Variants in KIF2A observed in about 807,000 individuals in gnomAD.
The protein encoded by KIF2A is kinesin family member 2A.
KIF2A carries 22 observed loss-of-function variants against 100.2 expected under a neutral mutation model. The observed-to-expected ratio is 0.22, with a 90% confidence interval of 0.16 to 0.31. The LOEUF (loss-of-function observed/expected upper bound fraction) is 0.31, where lower values mean the gene tolerates loss of function less well. Among genes scored for constraint, KIF2A ranks in the 10% least tolerant of loss-of-function variants. The pLI is 1.00. For missense variants in KIF2A, 495 were observed against 898.7 expected, an observed-to-expected ratio of 0.55 and a Z score of 5.74; for synonymous variants, 268 against 285.9, an observed-to-expected ratio of 0.94 and a Z score of 0.63.
At chr5:62,361,882 C>T (rs1748430992) in intron 11 of KIF2A, among the ~76,000 whole-genome samples, 2 of 151,478 alleles carry the variant, frequency 1.3e-5, no homozygotes, top group Admixed American at 1.3e-4. Context: ...AAAAACTTAG[C>T]CAGGCGTGGT....
At chr5:62,341,879 T>C (rs2111888645) in intron 1 of KIF2A, among the ~76,000 whole-genome samples, 1 of 152,368 alleles carries the variant, frequency 6.6e-6, no homozygotes, top group African/African-American at 2.4e-5. Flanking sequence ...ATTCTACTGG[T>C]AATTGCATGG....
chr5:62,389,148 C>T lies in KIF2A; in HGVS notation c.*3579C>T. ...TACCATTAATACTAAAACATGAATA[C>T]AGCATGCTTACAGAGCCCACCCACT... On this transcript the variant is annotated 3_prime_UTR_variant, in exon 21 of 21. Coordinates refer to ENST00000407818, the MANE Select transcript of KIF2A (RefSeq NM_001098511.3). 2 of 1,101,644 alleles carry T rather than the reference C, an allele frequency of 1.8e-6. No individual in the cohort carries two copies. The highest frequency in any genetic ancestry group is 2.6e-6 in the Non-Finnish European group (2 of 756,452). 68.2% of individuals were successfully genotyped at this position (1,101,644 alleles called of 1,614,324 possible).
chr5:62,364,037 G>A, intron 14 of KIF2A, 138 bp downstream of exon 14: 1 of 679,268 alleles, frequency 1.5e-6, no homozygotes, highest in East Asian at 2.7e-5. Context: ...TGTATAGTGT[G>A]ATTTTATTAT....
chr5:62,306,416 C>CCT lies in KIF2A; in HGVS notation c.-57_-56insCT. 1.5e-6 allele frequency: 2 copies of CCT among 1,366,880 alleles called. No homozygotes were observed. The highest frequency in any genetic ancestry group is 2.1e-5 in the Admixed American group (1 of 48,736). 84.7% of individuals were successfully genotyped at this position (1,366,880 alleles called of 1,614,324 possible). A position where few individuals can be genotyped will look rare whatever the true frequency, so the allele number is the denominator to read the frequency against. On this transcript the variant is annotated 5_prime_UTR_variant, in exon 1 of 21. Coordinates refer to ENST00000407818, the MANE Select transcript of KIF2A (RefSeq NM_001098511.3). ...CACACCTACCCCGCCCCCTCCCCGCCTTTTCCGCCCTCCGGTCCCCCTCCC... is the reference window on the plus strand; with the variant it reads ...CACACCTACCCCGCCCCCTCCCCGCCCTTTTTCCGCCCTCCGGTCCCCCTCCC...
intron 9 of KIF2A, among the ~76,000 whole-genome samples, 190 bp from the exon 10 acceptor site, chr5:62,361,052 T>A (rs1435425300): frequency 6.6e-6 from 1 of 152,212 alleles, no homozygotes; most frequent in Non-Finnish European, 1.5e-5. Context: ...GTTTAAGTAA[T>A]TTTAGCATAT....
intron 9 of KIF2A, among the ~76,000 whole-genome samples, chr5:62,360,676 G>C (rs1748363052): frequency 6.6e-6 from 1 of 151,268 alleles, no homozygotes; most frequent in Middle Eastern, 3.4e-3. Flanking sequence ...ACGAGAACGA[G>C]ACTTCGTCTC....
Position 62,352,707 on chromosome 5 carries a change from C to T in KIF2A, c.454C>T (p.Pro152Ser). Reference sequence around the variant, plus strand: ...AGCTGCAAAAAAGGAATTTGGACCCCCTTGTATGTAAATTATGTATCAAGG... The same window carrying T: ...AGCTGCAAAAAAGGAATTTGGACCCTCTTGTATGTAAATTATGTATCAAGG... The part of the protein sequence containing the change: ...VQAAKKEFGP[P>S]SRRKSNCVKE... The change falls in exon 5 of 21, where the codon CCT (proline) becomes TCT (serine). Residue 152 changes from proline to serine, a missense_variant. Pro to Ser is a moderately conservative substitution (Grantham distance 74, BLOSUM62 -1). Coordinates refer to ENST00000407818, the MANE Select transcript of KIF2A (RefSeq NM_001098511.3). 6.2e-7 allele frequency: 1 copy of T among 1,609,684 alleles called. No homozygotes were observed. The highest frequency in any genetic ancestry group is 1.1e-5 in the South Asian group (1 of 90,538).
At chr5:62,380,878 T>C (rs1206196302) in intron 19 of KIF2A, among the ~76,000 whole-genome samples, 1 of 152,130 alleles carries the variant, frequency 6.6e-6, no homozygotes, top group Non-Finnish European at 1.5e-5. Context: ...GAGGCAGGCA[T>C]ACTCAGCGTA....
chr5:62,382,781 G>A (rs1369105370), intron 20 of KIF2A, among the ~76,000 whole-genome samples: 1 of 151,508 alleles, frequency 6.6e-6, no homozygotes, highest in Admixed American at 6.6e-5. Context: ...TTACAGGCAC[G>A]CGCCACAATG....
chr5:62,308,607 G>T (rs751735660), intron 1 of KIF2A: 1 of 699,716 alleles, frequency 1.4e-6, no homozygotes, highest in Non-Finnish European at 2.6e-6. Flanking sequence ...TAAAAAAGGA[G>T]ATCCTACTGT....
At chr5:62,318,794 T>C (rs747722356) in intron 1 of KIF2A, among the ~76,000 whole-genome samples, 5 of 152,212 alleles carry the variant, frequency 3.3e-5, no homozygotes, top group South Asian at 2.1e-4. Flanking sequence ...TTAGCCCACA[T>C]TGGCTACAGA....
chr5:62,317,170 T>C (rs1280796903), intron 1 of KIF2A, among the ~76,000 whole-genome samples: 2 of 152,060 alleles, frequency 1.3e-5, no homozygotes, highest in African/African-American at 4.8e-5. Flanking sequence ...TGCCTCAGCC[T>C]CCCAAGTAGC....
At position 62,389,172 on chromosome 5, in the gene KIF2A, C is replaced by G. The variant is rs1742175595; in HGVS notation, c.*3603C>G. On this transcript the variant is annotated 3_prime_UTR_variant, in exon 21 of 21. Transcript: ENST00000407818. ...ACAGCATGCTTACAGAGCCCACCCA[C>G]TCCTAATACTAGTTATTAAAGAAAC... 1.3e-6 allele frequency: 1 copy of G among 784,712 alleles called. No homozygotes were observed. Among genetic ancestry groups the G allele is most frequent in the Non-Finnish European group, 2.0e-6 (1 of 497,352 alleles). 48.6% of individuals were successfully genotyped at this position (784,712 alleles called of 1,614,324 possible). A position where few individuals can be genotyped will look rare whatever the true frequency, so the allele number is the denominator to read the frequency against.
intron 1 of KIF2A, among the ~76,000 whole-genome samples, chr5:62,309,957 G>A (rs1483758149): frequency 2.0e-5 from 3 of 151,756 alleles, no homozygotes; most frequent in Admixed American, 6.6e-5. Context: ...TTAATGTTTG[G>A]GTCTGTAACT....
At chr5:62,345,699 G>T (rs1747531229) in intron 1 of KIF2A, among the ~76,000 whole-genome samples, 2 of 152,014 alleles carry the variant, frequency 1.3e-5, no homozygotes, top group Non-Finnish European at 2.9e-5. Context: ...AATTATTATA[G>T]TGCCCATGTT....
intron 16 of KIF2A, among the ~76,000 whole-genome samples, chr5:62,368,269 T>C (rs1031467985): frequency 1.3e-5 from 2 of 151,952 alleles, no homozygotes; most frequent in African/African-American, 2.4e-5. Context: ...TCTTGTTTTT[T>C]TTTTTCCTCT....
chr5:62,343,536 G>A (rs1437570727), intron 1 of KIF2A, among the ~76,000 whole-genome samples: 1 of 152,180 alleles, frequency 6.6e-6, no homozygotes, highest in Non-Finnish European at 1.5e-5. Flanking sequence ...GTCATTAATA[G>A]GTCATTGAAA....
chr5:62,343,008 T>A (rs10939936), intron 1 of KIF2A, among the ~76,000 whole-genome samples: 20,525 of 152,106 alleles, frequency 0.13, 1,614 homozygotes, highest in East Asian at 0.25. Flanking sequence ...CGCCTCAGCC[T>A]CCCAAAGTGC....
chr5:62,379,802 C>T (rs978484303), intron 19 of KIF2A, among the ~76,000 whole-genome samples: 2 of 152,114 alleles, frequency 1.3e-5, no homozygotes, highest in Admixed American at 6.6e-5. Context: ...AATTGATGTT[C>T]GGAAAATTGA....
Sources: allele counts gnomAD v4.1 joint callset (sites outside exome capture counted in the v4.1 genomes callset), GRCh38; gene constraint gnomAD v4.1.1; transcripts MANE v1.5; gene names NCBI Gene and HGNC (gene_info 2026-07-23, HGNC 2026-07-21).